MGST1: variants seen among roughly 807,000 people sequenced by gnomAD.
The protein encoded by MGST1 is microsomal glutathione S-transferase 1.
In MGST1, 5 loss-of-function variants were observed where a neutral mutation model predicts 8.9. The ratio of observed to expected loss-of-function variants is 0.56; its 90% confidence interval spans 0.29 to 1.19. The LOEUF is 1.19. Ranked by LOEUF, MGST1 falls within the 50% of genes most tolerant of loss-of-function variation. The probability of loss-of-function intolerance (pLI) is 0.08; values close to 1 mark genes in which losing one functional copy is unlikely to be tolerated. For missense variants in MGST1, 182 were observed against 187.4 expected, an observed-to-expected ratio of 0.97 and a Z score of 0.17; for synonymous variants, 54 against 67.8, an observed-to-expected ratio of 0.80 and a Z score of 1.00.
intron 4 of MGST1, among the ~76,000 whole-genome samples, chr12:16,473,147 C>T (rs1433842801): frequency 2.6e-5 from 4 of 152,176 alleles, no homozygotes; most frequent in Non-Finnish European, 5.9e-5. Context: ...TAAGATATCC[C>T]TCTATCTCCA....
intron 4 of MGST1, among the ~76,000 whole-genome samples, chr12:16,460,364 T>C (rs888104608): frequency 1.3e-5 from 2 of 152,042 alleles, no homozygotes; most frequent in South Asian, 4.1e-4. Context: ...TTGTGGCTGG[T>C]GGGAGGGTTA....
chr12:16,545,193 G>A lies in MGST1; in HGVS notation n.483-44335G>A, dbSNP rs1226536553. Among the ~76,000 whole-genome samples the A allele has an allele frequency of 2.6e-5, 4 of 151,996 alleles. No individual in the cohort carries two copies. The South Asian group carries it at 6.2e-4, about 24-fold the overall frequency. ...GATTCTAATCAATGTTTAAATGGTT[G>A]AATCTGATTTATTAAATTTACAAGT... On this transcript the variant is annotated intron_variant and non_coding_transcript_variant, in intron 4 of 4. Transcript: ENST00000538857.
chr12:16,406,689 G>A (rs113439389), intron 1 of MGST1, among the ~76,000 whole-genome samples: 21 of 152,260 alleles, frequency 1.4e-4, no homozygotes, highest in African/African-American at 5.1e-4. Flanking sequence ...AAAATACCAT[G>A]AAGTGGTACA....
chr12:16,541,244 C>CT (rs1413148294), intron 4 of MGST1, among the ~76,000 whole-genome samples: 3 of 151,838 alleles, frequency 2.0e-5, no homozygotes, highest in Admixed American at 6.6e-5. Flanking sequence ...CTTTGTTTTT[C>CT]TTTTTTTTCC....
intron 1 of MGST1, among the ~76,000 whole-genome samples, chr12:16,388,159 A>G (rs1289133381): frequency 6.6e-6 from 1 of 151,716 alleles, no homozygotes; most frequent in Middle Eastern, 3.2e-3. Flanking sequence ...GATGACAAAA[A>G]CTGCAATTAC....
intron 1 of MGST1, among the ~76,000 whole-genome samples, chr12:16,409,990 TC>T (rs1436737522): frequency 6.6e-6 from 1 of 152,150 alleles, no homozygotes; most frequent in African/African-American, 2.4e-5. Context: ...AAATCCCTCC[TC>T]CCTCGTGAGT....
At chr12:16,566,537 T>G (rs940657144) in intron 4 of MGST1, among the ~76,000 whole-genome samples, 2 of 152,182 alleles carry the variant, frequency 1.3e-5, no homozygotes, top group African/African-American at 4.8e-5. Flanking sequence ...TGTACCATTA[T>G]AAGGTGCTAA....
At chr12:16,592,625 C>T (rs1240213135), downstream of MGST1, among the ~76,000 whole-genome samples, 1 of 151,820 alleles carries the variant, frequency 6.6e-6, no homozygotes, top group Non-Finnish European at 1.5e-5. Context: ...CTCATGTTAC[C>T]AACTTTATAC....
chr12:16,403,472 G>T (rs1358692464), intron 1 of MGST1, among the ~76,000 whole-genome samples: 1 of 151,962 alleles, frequency 6.6e-6, no homozygotes, highest in Non-Finnish European at 1.5e-5. Flanking sequence ...TTGAAAAGAA[G>T]GTGTGTTTTG....
At chr12:16,504,612 A>C (rs1435439147) in intron 4 of MGST1, among the ~76,000 whole-genome samples, 2 of 152,204 alleles carry the variant, frequency 1.3e-5, no homozygotes, top group East Asian at 3.8e-4. Context: ...GGAGATTAGA[A>C]TGTGGGGCGT....
chr12:16,558,810 A>G (rs1188411138), intron 4 of MGST1, among the ~76,000 whole-genome samples: 1 of 152,200 alleles, frequency 6.6e-6, no homozygotes, highest in African/African-American at 2.4e-5. Flanking sequence ...GGTAAATTAT[A>G]AAGATAACTA....
intron 1 of MGST1, among the ~76,000 whole-genome samples, chr12:16,411,246 G>A (rs1027809555): frequency 1.2e-4 from 18 of 152,116 alleles, no homozygotes; most frequent in Non-Finnish European, 2.2e-4. Context: ...CACCGTTACA[G>A]CTAGTCCTTA....
intron 4 of MGST1, among the ~76,000 whole-genome samples, chr12:16,579,072 G>A (rs1004537979): frequency 1.3e-5 from 2 of 151,990 alleles, no homozygotes; most frequent in Non-Finnish European, 2.9e-5. Context: ...ACACTCTCTA[G>A]AGCTTAGTTT....
At chr12:16,392,478 A>G (rs1940561636) in intron 1 of MGST1, among the ~76,000 whole-genome samples, 1 of 152,238 alleles carries the variant, frequency 6.6e-6, no homozygotes, top group Admixed American at 6.5e-5. Context: ...ACTTTCTGGA[A>G]GAATGTTCCC....
chr12:16,466,515 T>G (rs574678463), intron 4 of MGST1, among the ~76,000 whole-genome samples: 1 of 152,238 alleles, frequency 6.6e-6, no homozygotes, highest in Non-Finnish European at 1.5e-5. Flanking sequence ...TTTAAAACCT[T>G]GATTTAATGA....
chr12:16,394,925 GT>G (rs1302064906), intron 1 of MGST1, among the ~76,000 whole-genome samples: 4 of 151,754 alleles, frequency 2.6e-5, no homozygotes, highest in African/African-American at 9.7e-5. Flanking sequence ...TGGATTCATA[GT>G]TTTTTTTATA....
At chr12:16,554,740 T>C (rs1386605326) in intron 4 of MGST1, among the ~76,000 whole-genome samples, 3 of 152,216 alleles carry the variant, frequency 2.0e-5, no homozygotes, top group Non-Finnish European at 4.4e-5. Context: ...CCAGATTCGC[T>C]CCGCCTCCCG....
intron 4 of MGST1, among the ~76,000 whole-genome samples, chr12:16,571,275 A>G (rs1942805104): frequency 6.6e-6 from 1 of 152,136 alleles, no homozygotes; most frequent in African/African-American, 2.4e-5. Context: ...TTACAAAGGC[A>G]TCAGTATTTT....
rs531328514 is a variant in MGST1 at position 16,566,419 on chromosome 12, C to A, written n.483-23109C>A. 5.9e-5 allele frequency among the ~76,000 whole-genome samples: 9 copies of A among 151,666 alleles called. No homozygotes were observed. In the South Asian group the frequency reaches 1.5e-3, roughly 25 times the overall value. On this transcript the variant is annotated intron_variant and non_coding_transcript_variant, in intron 4 of 4. Transcript: ENST00000538857. ...GAAGCTTTTGAATGTTTTCAACACA[C>A]AAAAAAATGATAAATAATGTATGAG...
Sources: gnomAD v4.1 joint callset for allele counts (sites outside exome capture counted in the v4.1 genomes callset) on GRCh38, gnomAD v4.1.1 for gene constraint, MANE v1.5 for transcripts, NCBI Gene and HGNC (gene_info 2026-07-23, HGNC 2026-07-21) for gene names.